WDR27: variants seen among roughly 807,000 people sequenced by gnomAD.
WDR27 encodes WD repeat domain 27.
WDR27 carries 100 observed loss-of-function variants against 114.4 expected under a neutral mutation model. The ratio of observed to expected loss-of-function variants is 0.87; its 90% CI spans 0.74 to 1.03. The LOEUF (loss-of-function observed/expected upper bound fraction) is 1.03, where lower values mean the gene tolerates loss of function less well. Ranked by LOEUF, WDR27 falls within the 50% of genes least tolerant of loss-of-function variation. The pLI, the probability that WDR27 is intolerant of heterozygous loss-of-function variation, is 0.00. For synonymous variants in WDR27, 449 were observed against 423.1 expected, an observed-to-expected ratio of 1.06 and a Z score of -0.75; for missense variants, 1,129 against 1,092.9, an observed-to-expected ratio of 1.03 and a Z score of -0.47.
chr6:169,647,668 A>T, intron 16 of WDR27, 105 bp downstream of exon 16: 1 of 1,087,130 alleles, frequency 9.2e-7, no homozygotes, highest in Non-Finnish European at 1.4e-6. Flanking sequence ...CAAGGTTTTT[A>T]AAAATATATT....
chr6:169,456,769 C>T (rs535949963), downstream of WDR27, among the ~76,000 whole-genome samples: 7 of 151,234 alleles, frequency 4.6e-5, no homozygotes, highest in East Asian at 4.0e-4. The surrounding 1 kb of genome is among the most constrained non-coding windows in gnomAD (Gnocchi z 4.0). Flanking sequence ...ACAGAACCCA[C>T]GGGCAGAGAC....
At chr6:169,660,339 G>A (rs1457418463) in intron 10 of WDR27, among the ~76,000 whole-genome samples, 5 of 152,200 alleles carry the variant, frequency 3.3e-5, no homozygotes, top group Non-Finnish European at 7.3e-5. Flanking sequence ...TCTAAGGATG[G>A]TGGAGAATCC....
the WDR27 span, among the ~76,000 whole-genome samples, chr6:169,430,482 T>C: frequency 1.4e-3 from 208 of 152,360 alleles, 4 homozygotes; most frequent in South Asian, 0.017. Context: ...CTTCTGTGGC[T>C]GTTTTGTCCC....
downstream of WDR27, among the ~76,000 whole-genome samples, chr6:169,452,967 T>TTCCCCGGCCTCCC (rs1458239818): frequency 3.3e-4 from 51 of 152,336 alleles, no homozygotes; most frequent in Middle Eastern, 3.4e-3. Context: ...TGCAGTCAGC[T>TTCCCCGGCCTCCC]TCCCCGGCCT....
chr6:169,670,505 C>G (rs1778425058), intron 4 of WDR27, 64 bp downstream of exon 4: 27 of 1,603,684 alleles, frequency 1.7e-5, no homozygotes, highest in Non-Finnish European at 2.3e-5. Flanking sequence ...GGGCAAGGTC[C>G]CAGAACCTGG....
rs377380907 is a variant in WDR27 at position 169,660,711 on chromosome 6, C to T, written c.1081G>A (p.Val361Ile). The change falls in exon 10 of 26, where the codon GTA becomes ATA. Residue 361 changes from valine to isoleucine, a missense_variant. Coordinates refer to ENST00000448612, the MANE Select transcript of WDR27 (RefSeq NM_182552.5). ...VWIGSSVGLF[V>I]FNLANLEVEA... is the part of the protein sequence containing the mutation. ...ACTTCCAGGTTTGCCAGGTTAAATA[C>T]GAATAAGCCCACTGAGCTTCCGATC... 22 of 1,613,540 alleles carry T rather than the reference C, an allele frequency of 1.4e-5. No homozygotes were observed. The African/African-American group carries it at 2.4e-4, about 18-fold the overall frequency.
intron 22 of WDR27, among the ~76,000 whole-genome samples, chr6:169,612,457 A>C (rs541772218): frequency 6.6e-6 from 1 of 151,660 alleles, no homozygotes; most frequent in East Asian, 2.0e-4. Context: ...ACAAACAAAC[A>C]AAAAATTAGG....
At chr6:169,656,730 C>G (rs1298205285) in intron 13 of WDR27, among the ~76,000 whole-genome samples, 1 of 152,224 alleles carries the variant, frequency 6.6e-6, no homozygotes, top group African/African-American at 2.4e-5. Context: ...CGCATTAGGC[C>G]GCAGCAGCCC....
chr6:169,556,250 C>T (rs2128108399), intron 25 of WDR27, among the ~76,000 whole-genome samples: 1 of 152,280 alleles, frequency 6.6e-6, no homozygotes, highest in South Asian at 2.1e-4. Flanking sequence ...GTCCTGCAGT[C>T]ACAAGGAATT....
At chr6:169,544,295 G>T (rs1009994880) in intron 25 of WDR27, among the ~76,000 whole-genome samples, 1 of 151,948 alleles carries the variant, frequency 6.6e-6, no homozygotes, top group Non-Finnish European at 1.5e-5. Flanking sequence ...GTCCCTATTT[G>T]CAGATGACAT....
chr6:169,638,476 C>CT, intron 18 of WDR27, 63 bp downstream of exon 18: 1 of 1,577,910 alleles, frequency 6.3e-7, no homozygotes, highest in Non-Finnish European at 8.6e-7. Flanking sequence ...AAGAATGAGA[C>CT]TTTTGAGAAG....
chr6:169,459,678 G>C (rs1784685704), intron 25 of WDR27, among the ~76,000 whole-genome samples: 1 of 152,052 alleles, frequency 6.6e-6, no homozygotes, highest in South Asian at 2.1e-4. Flanking sequence ...AAGGCAAAGA[G>C]AGAATTCTGG....
At chr6:169,592,621 T>A (rs1805967075) in intron 23 of WDR27, among the ~76,000 whole-genome samples, 1 of 152,250 alleles carries the variant, frequency 6.6e-6, no homozygotes, top group Admixed American at 6.5e-5. Flanking sequence ...TATGCAATCT[T>A]GTCACCTATG....
intron 25 of WDR27, among the ~76,000 whole-genome samples, chr6:169,506,565 C>A (rs543715147): frequency 2.2e-4 from 33 of 152,218 alleles, no homozygotes; most frequent in Non-Finnish European, 4.0e-4. Flanking sequence ...CATGGTGATT[C>A]CAAGAATGAA....
rs528606680 is a variant in WDR27 at position 169,639,853 on chromosome 6, G to A, written c.1748-1193C>T. Among the ~76,000 whole-genome samples, 11 of 152,252 alleles carry A rather than the reference G, an allele frequency of 7.2e-5. No individual in the cohort carries two copies. In the East Asian group the frequency reaches 1.9e-3, roughly 27 times the overall value. ...AGTCTCTCAGCTGCCACCACCTGAC[G>A]GTTCTAAGAAGCGGCGGACACAAAG... On this transcript the variant is annotated intron_variant, in intron 17 of 25. Coordinates refer to ENST00000448612, the MANE Select transcript of WDR27 (RefSeq NM_182552.5).
chr6:169,659,330 C>A lies in WDR27; in HGVS notation c.1197+121G>T. On this transcript the variant is annotated intron_variant, in intron 11 of 25. Coordinates refer to ENST00000448612, the MANE Select transcript of WDR27 (RefSeq NM_182552.5). The surrounding 1 kb of genome is among the most constrained non-coding windows in gnomAD (Gnocchi z 4.3). ...ATAGCAGCGACATCGCCCTGTCACT[C>A]CTAAAACGTTTTTACACACAAAATC... 6.4e-7 allele frequency: 1 copy of A among 1,567,034 alleles called. No homozygotes were observed. The highest frequency in any genetic ancestry group is 8.7e-7 in the Non-Finnish European group (1 of 1,150,492).
intron 25 of WDR27, among the ~76,000 whole-genome samples, chr6:169,505,157 T>C (rs1227250095): frequency 6.6e-6 from 1 of 152,212 alleles, no homozygotes; most frequent in Admixed American, 6.5e-5. Flanking sequence ...ATGTAGATCA[T>C]ATAAAATCCT....
At chr6:169,658,522 T>C (rs1584965180) in intron 12 of WDR27, among the ~76,000 whole-genome samples, 164 bp from the exon 13 acceptor site, 1 of 152,110 alleles carries the variant, frequency 6.6e-6, no homozygotes, top group Non-Finnish European at 1.5e-5. Flanking sequence ...CTTATCCTTG[T>C]AGGAAAAAAA....
rs114375054 is a variant in WDR27, at chr6:169,466,006, A to G, written c.2646-8372T>C. ...ACTCACTATAGACTTAAGAATGGTT[A>G]AGATGATGAATTTTATGTGTATTTT... On this transcript the variant is annotated intron_variant, in intron 25 of 25. Coordinates refer to ENST00000448612, the MANE Select transcript of WDR27 (RefSeq NM_182552.5). Among the ~76,000 whole-genome samples the G allele has an allele frequency of 6.0e-3, 914 of 152,334 alleles. 9 individuals are homozygous for G. Among genetic ancestry groups the G allele is most frequent in the African/African-American group, 0.02 (852 of 41,574 alleles).
Sources: gnomAD v4.1 joint callset for allele counts (sites outside exome capture counted in the v4.1 genomes callset) on GRCh38, gnomAD v4.1.1 for gene constraint, Gnocchi (gnomAD v3.1) non-coding constraint, MANE v1.5 for transcripts, NCBI Gene and HGNC (gene_info 2026-07-23, HGNC 2026-07-21) for gene names.